NCAM2: variants seen among roughly 807,000 people sequenced by gnomAD.
The protein encoded by NCAM2 is neural cell adhesion molecule 2, also known as N-CAM-2.
In NCAM2, 30 loss-of-function variants were observed where a neutral mutation model predicts 98.1. The ratio of observed to expected loss-of-function variants is 0.31; its 90% CI spans 0.23 to 0.41. The LOEUF (loss-of-function observed/expected upper bound fraction) is 0.41, where lower values mean the gene tolerates loss of function less well. Ranked by LOEUF, NCAM2 falls within the 10% of genes least tolerant of loss-of-function variation. The probability of loss-of-function intolerance (pLI) is 1.00; values close to 1 mark genes in which losing one functional copy is unlikely to be tolerated. For missense variants in NCAM2, 867 were observed against 1,005.8 expected (o/e 0.86, Z 1.87); for synonymous variants, 368 against 342.4 (o/e 1.07, Z -0.83).
At chr21:21,346,224 A>AT (rs2075184346) in intron 8 of NCAM2, among the ~76,000 whole-genome samples, 1 of 150,474 alleles carries the variant, frequency 6.6e-6, no homozygotes, top group Admixed American at 6.6e-5. Context: ...AAAAAAAAAA[A>AT]CAGGAGTCAC....
At chr21:21,468,560 C>T in intron 13 of NCAM2, 102 bp from the exon 14 acceptor site, 1 of 1,138,070 alleles carries the variant, frequency 8.8e-7, no homozygotes, top group South Asian at 2.0e-5. Context: ...TCCAGGATAA[C>T]ACCATATATT....
chr21:21,346,240 T>C (rs2075185314), intron 8 of NCAM2, among the ~76,000 whole-genome samples: 1 of 147,904 alleles, frequency 6.8e-6, no homozygotes, highest in East Asian at 2.0e-4. Flanking sequence ...GTCACTATAC[T>C]TATGTCAAAC....
chr21:21,213,939 A>C (rs781478598), intron 1 of NCAM2, among the ~76,000 whole-genome samples: 70 of 152,146 alleles, frequency 4.6e-4, no homozygotes, highest in Non-Finnish European at 8.2e-4. Context: ...CTGAATATTT[A>C]ACAACCGTAT....
chr21:21,487,022 A>G (rs1986448211), intron 15 of NCAM2, among the ~76,000 whole-genome samples: 1 of 152,164 alleles, frequency 6.6e-6, no homozygotes. Context: ...TCTTTTAAAA[A>G]TATTCTCAGA....
intron 1 of NCAM2, among the ~76,000 whole-genome samples, chr21:21,045,899 G>C (rs1483760740): frequency 6.6e-6 from 1 of 152,134 alleles, no homozygotes. Flanking sequence ...TGATAAACCA[G>C]CTGTAGAGCA....
At chr21:21,030,192 C>T (rs1159794907) in intron 1 of NCAM2, among the ~76,000 whole-genome samples, 1 of 152,144 alleles carries the variant, frequency 6.6e-6, no homozygotes, top group African/African-American at 2.4e-5. Flanking sequence ...TATTATTTCA[C>T]TTAAGCCTAA....
intron 1 of NCAM2, among the ~76,000 whole-genome samples, chr21:21,182,890 A>C (rs528179123): frequency 5.0e-4 from 76 of 152,174 alleles, no homozygotes; most frequent in Non-Finnish European, 9.4e-4. Flanking sequence ...TGTTCTATGG[A>C]ACATTTGCTC....
At chr21:21,186,299 T>G (rs1302551716) in intron 1 of NCAM2, among the ~76,000 whole-genome samples, 1 of 152,188 alleles carries the variant, frequency 6.6e-6, no homozygotes, top group African/African-American at 2.4e-5. Context: ...TGCTTTGATT[T>G]GGCCAGAAAA....
chr21:21,141,585 T>C (rs1298339291), intron 1 of NCAM2, among the ~76,000 whole-genome samples: 3 of 152,330 alleles, frequency 2.0e-5, no homozygotes, highest in Non-Finnish European at 2.9e-5. Context: ...AACATAATTA[T>C]TGACAGTTAG....
At chr21:21,333,494 C>G (rs1037008936) in intron 6 of NCAM2, among the ~76,000 whole-genome samples, 4 of 152,156 alleles carry the variant, frequency 2.6e-5, no homozygotes, top group Non-Finnish European at 5.9e-5. Flanking sequence ...ATGGGTTCCT[C>G]ATGATGGGTG....
chr21:21,284,099 T>C (rs1292884160), intron 2 of NCAM2, 95 bp from the exon 3 acceptor site: 3 of 911,774 alleles, frequency 3.3e-6, no homozygotes, highest in Admixed American at 2.5e-5. Context: ...ATTTTTTTTC[T>C]AAATGGTTAA....
intron 1 of NCAM2, among the ~76,000 whole-genome samples, chr21:21,272,692 T>TATTTATATTTG (rs796423844): frequency 5.7e-4 from 86 of 152,138 alleles, no homozygotes; most frequent in African/African-American, 2.0e-3. Flanking sequence ...ATATTTTGAG[T>TATTTATATTTG]ATTTATATTT....
At chr21:21,486,166 T>C (rs1986343227) in intron 15 of NCAM2, among the ~76,000 whole-genome samples, 1 of 151,550 alleles carries the variant, frequency 6.6e-6, no homozygotes, top group South Asian at 2.1e-4. Context: ...TAGCCGGGCG[T>C]GGTGGCGGGC....
chr21:21,499,064 G>A (rs1254394157), intron 15 of NCAM2, among the ~76,000 whole-genome samples: 1 of 151,960 alleles, frequency 6.6e-6, no homozygotes, highest in Non-Finnish European at 1.5e-5. Flanking sequence ...TAGGAATATA[G>A]CAATGACCAA....
In NCAM2 at chr21:21,279,915, T is replaced by G. The variant is rs1187986328; in HGVS notation, c.56-663T>G. Among the ~76,000 whole-genome samples, 3 of 152,332 alleles carry G rather than the reference T, an allele frequency of 2.0e-5. No individual in the cohort carries two copies. In the East Asian group the frequency reaches 5.8e-4, roughly 29 times the overall value. On this transcript the variant is annotated intron_variant, in intron 1 of 17. Transcript: ENST00000400546. ...TTTCTACCATATTGTTAGAAATATG[T>G]CAATTCATATTAAAATAACACTTTG...
chr21:21,132,516 G>A lies in NCAM2; in HGVS notation c.55+133898G>A, dbSNP rs188175379. Among the ~76,000 whole-genome samples the A allele has an allele frequency of 6.9e-3, 1,051 of 151,882 alleles. 8 individuals are homozygous for A. Among genetic ancestry groups the A allele is most frequent in the Non-Finnish European group, 0.011 (743 of 67,960 alleles). On this transcript the variant is annotated intron_variant, in intron 1 of 17. Transcript: ENST00000400546. The stretch of plus-strand genomic sequence containing the variant: ...TATATCTGCATTTTTATTACAGCTT[G>A]TATTTAATTATGTATGTGTACATAC...
At chr21:21,288,357 C>T (rs892976565) in intron 4 of NCAM2, among the ~76,000 whole-genome samples, 1 of 151,772 alleles carries the variant, frequency 6.6e-6, no homozygotes, top group East Asian at 1.9e-4. Flanking sequence ...TGACATGTAT[C>T]GCTCTCATTC....
chr21:21,492,757 C>G (rs1048317059), intron 15 of NCAM2, among the ~76,000 whole-genome samples: 1 of 151,796 alleles, frequency 6.6e-6, no homozygotes, highest in Non-Finnish European at 1.5e-5. Context: ...GTTTGCTTCT[C>G]TACTGATTTC....
chr21:21,101,462 C>G (rs558109369), intron 1 of NCAM2, among the ~76,000 whole-genome samples: 2 of 152,130 alleles, frequency 1.3e-5, no homozygotes, highest in East Asian at 3.9e-4. Context: ...TGCATACTCT[C>G]ATAAGAATCA....
Sources: allele counts gnomAD v4.1 joint callset (sites outside exome capture counted in the v4.1 genomes callset), GRCh38; gene constraint gnomAD v4.1.1; transcripts MANE v1.5; gene names NCBI Gene and HGNC (gene_info 2026-07-23, HGNC 2026-07-21).